TDRD5: variants seen among roughly 807,000 people sequenced by gnomAD.
The protein encoded by TDRD5 is tudor domain containing 5.
TDRD5 carries 41 observed loss-of-function variants against 120.6 expected under a neutral mutation model. The observed-to-expected ratio is 0.34, with a 90% CI of 0.26 to 0.44. TDRD5 has a LOEUF of 0.44. Among genes scored for constraint, TDRD5 ranks in the 20% least tolerant of loss-of-function variants. The probability of loss-of-function intolerance (pLI) is 1.00; values close to 1 mark genes in which losing one functional copy is unlikely to be tolerated. For missense variants in TDRD5, 1,006 were observed against 1,221.2 expected (o/e 0.82, Z 2.63); for synonymous variants, 430 against 433.7 (o/e 0.99, Z 0.11).
At chr1:179,621,656 T>C (rs77876400) in intron 6 of TDRD5, among the ~76,000 whole-genome samples, 2,125 of 152,298 alleles carry the variant, frequency 0.014, 32 homozygotes, top group Non-Finnish European at 0.019. Context: ...AAAATAAATC[T>C]GCTCTGCAAC....
At chr1:179,596,057 C>T (rs146563007) in intron 4 of TDRD5, among the ~76,000 whole-genome samples, 1 of 152,188 alleles carries the variant, frequency 6.6e-6, no homozygotes, top group Non-Finnish European at 1.5e-5. Flanking sequence ...ACTCCCAACT[C>T]CCAAATCTGT....
At chr1:179,657,179 A>C (rs1451970225) in intron 14 of TDRD5, among the ~76,000 whole-genome samples, 1 of 151,976 alleles carries the variant, frequency 6.6e-6, no homozygotes, top group Non-Finnish European at 1.5e-5. Flanking sequence ...TCTATACCTG[A>C]GATTTTGATT....
At chr1:179,629,658 CT>C (rs916677864) in intron 6 of TDRD5, among the ~76,000 whole-genome samples, 24 of 152,024 alleles carry the variant, frequency 1.6e-4, no homozygotes, top group South Asian at 4.2e-4. Context: ...CTGAAGGCAG[CT>C]TTGGGAGAAC....
intron 6 of TDRD5, among the ~76,000 whole-genome samples, chr1:179,627,445 T>C (rs1341272889): frequency 1.3e-5 from 2 of 152,186 alleles, no homozygotes; most frequent in Non-Finnish European, 2.9e-5. Context: ...GGTGAACATA[T>C]GCAAAATTAT....
At chr1:179,631,158 G>A (rs1053048281) in intron 7 of TDRD5, among the ~76,000 whole-genome samples, 3 of 152,132 alleles carry the variant, frequency 2.0e-5, no homozygotes, top group Non-Finnish European at 4.4e-5. Flanking sequence ...TTGGGAGGCC[G>A]AGGTGGGCGG....
Position 179,629,457 on chromosome 1 carries a change from G to GAAAT in TDRD5, c.973-1310_973-1309insAAAT, listed in dbSNP as rs145067516. ...AAAAATACACTAATTGAGTTTTTCA[G>GAAAT]TATAAAATGCATGCAAAGAATGAAG... On this transcript the variant is annotated intron_variant, in intron 6 of 17. Coordinates refer to ENST00000444136, the MANE Select transcript of TDRD5 (RefSeq NM_001199085.3). Among the ~76,000 whole-genome samples the GAAAT allele has an allele frequency of 5.9e-5, 9 of 152,054 alleles. No individual in the cohort carries two copies. In the South Asian group the frequency reaches 6.2e-4, roughly 11 times the overall value.
chr1:179,594,356 C>T (rs1675275580), intron 3 of TDRD5, among the ~76,000 whole-genome samples: 1 of 152,186 alleles, frequency 6.6e-6, no homozygotes, highest in African/African-American at 2.4e-5. Context: ...ATCTGTATAG[C>T]ATTTTACCTT....
intron 14 of TDRD5, among the ~76,000 whole-genome samples, chr1:179,656,712 A>G (rs921948324): frequency 6.6e-6 from 1 of 152,214 alleles, no homozygotes; most frequent in African/African-American, 2.4e-5. Context: ...CTTCATCACT[A>G]CCACATTGTC....
intron 4 of TDRD5, among the ~76,000 whole-genome samples, chr1:179,599,872 G>A (rs563243620): frequency 1.6e-4 from 25 of 152,224 alleles, no homozygotes; most frequent in African/African-American, 5.8e-4. Context: ...ACAACATAGT[G>A]CAATGCAACA....
intron 17 of TDRD5, among the ~76,000 whole-genome samples, chr1:179,675,266 TATTA>T (rs1209156245): frequency 9.7e-5 from 3 of 31,024 alleles, no homozygotes; most frequent in African/African-American, 2.7e-4. Context: ...TTATTATTAT[TATTA>T]TTATTTTTTT....
intron 16 of TDRD5, among the ~76,000 whole-genome samples, chr1:179,668,496 C>T (rs1679670215): frequency 6.6e-6 from 1 of 152,178 alleles, no homozygotes; most frequent in Admixed American, 6.5e-5. Flanking sequence ...GTAGTATCAC[C>T]TACCTAGGAC....
rs779027975 is a variant in TDRD5, at chr1:179,662,133, G to A, written c.2352G>A (p.Leu784=). Residue 784 remains leucine (L), a synonymous_variant, in exon 15 of 18, where the codon CTG becomes CTA. Transcript: ENST00000444136. ...AGATCCCCACTGGAATGCCATGCCT[G>A]GAGTCAGTGACCATAGGTGATGATA... ...EDEIPTGMPC[L]ESVTIGDDIW... 5.0e-6 allele frequency: 8 copies of A among 1,592,426 alleles called. No individual in the cohort carries two copies. The Admixed American group carries it at 1.5e-4, about 29-fold the overall frequency.
intron 9 of TDRD5, 62 bp from the exon 10 acceptor site, chr1:179,639,777 A>C: frequency 6.5e-7 from 1 of 1,549,418 alleles, no homozygotes; most frequent in Non-Finnish European, 8.7e-7. Context: ...TGATACATTG[A>C]TAAAAATTAT....
intron 17 of TDRD5, among the ~76,000 whole-genome samples, chr1:179,674,487 T>C (rs1680016393): frequency 6.6e-6 from 1 of 152,192 alleles, no homozygotes; most frequent in South Asian, 2.1e-4. Context: ...ATCAGGGATA[T>C]TGGTCTGTAG....
intron 6 of TDRD5, among the ~76,000 whole-genome samples, chr1:179,624,172 A>G (rs1171925542): frequency 6.6e-6 from 1 of 152,222 alleles, no homozygotes; most frequent in East Asian, 1.9e-4. Flanking sequence ...ATAACAAGGA[A>G]GAAAAGCCAT....
At chr1:179,611,224 T>C (rs1241146865) in intron 4 of TDRD5, among the ~76,000 whole-genome samples, 3 of 151,986 alleles carry the variant, frequency 2.0e-5, no homozygotes, top group African/African-American at 7.3e-5. Context: ...CTAATTTTGG[T>C]ATTTTTTGGT....
At chr1:179,633,109 T>C (rs1457249418) in intron 7 of TDRD5, among the ~76,000 whole-genome samples, 1 of 152,184 alleles carries the variant, frequency 6.6e-6, no homozygotes, top group Non-Finnish European at 1.5e-5. Flanking sequence ...ATTATGCAAA[T>C]CCTCATTTCT....
At chr1:179,604,715 T>C (rs1675882477) in intron 4 of TDRD5, among the ~76,000 whole-genome samples, 1 of 152,176 alleles carries the variant, frequency 6.6e-6, no homozygotes, top group Non-Finnish European at 1.5e-5. Context: ...ATTTCCAGTT[T>C]TATTCCTCTG....
intron 7 of TDRD5, among the ~76,000 whole-genome samples, chr1:179,632,279 C>T (rs893346646): frequency 5.3e-5 from 8 of 152,080 alleles, no homozygotes; most frequent in African/African-American, 1.9e-4. Flanking sequence ...AAATAATACA[C>T]TATGATACCA....
Sources: gnomAD v4.1 joint callset for allele counts (sites outside exome capture counted in the v4.1 genomes callset) on GRCh38, gnomAD v4.1.1 for gene constraint, MANE v1.5 for transcripts, NCBI Gene and HGNC (gene_info 2026-07-23, HGNC 2026-07-21) for gene names.